PCDH17: variants seen among roughly 807,000 people sequenced by gnomAD.
The protein encoded by PCDH17 is protocadherin-17.
In PCDH17, 21 loss-of-function variants were observed where a neutral mutation model predicts 67.7. The ratio of observed to expected loss-of-function variants is 0.31; its 90% CI spans 0.22 to 0.45. The LOEUF is 0.45. Ranked by LOEUF, PCDH17 falls within the 20% of genes least tolerant of loss-of-function variation. The pLI, the probability that PCDH17 is intolerant of heterozygous loss-of-function variation, is 1.00. For synonymous variants in PCDH17, 701 were observed against 656.7 expected, an observed-to-expected ratio of 1.07 and a Z score of -1.03; for missense variants, 1,471 against 1,564.8, an observed-to-expected ratio of 0.94 and a Z score of 1.01.
chr13:57,656,730 A>G (rs1955110245), intron 1 of PCDH17, among the ~76,000 whole-genome samples: 1 of 152,148 alleles, frequency 6.6e-6, no homozygotes, highest in South Asian at 2.1e-4. Flanking sequence ...AAAGAACTTC[A>G]AATTTACTCC....
At chr13:57,681,955 G>T (rs1376129912) in intron 3 of PCDH17, among the ~76,000 whole-genome samples, 6 of 151,640 alleles carry the variant, frequency 4.0e-5, no homozygotes, top group Admixed American at 4.0e-4. Flanking sequence ...ACTCTACAAT[G>T]TACAAAACTC....
At chr13:57,649,431 A>G (rs1032893486) in intron 1 of PCDH17, among the ~76,000 whole-genome samples, 3 of 152,170 alleles carry the variant, frequency 2.0e-5, no homozygotes, top group Admixed American at 6.6e-5. Flanking sequence ...TTTGGATACC[A>G]TGCTACAGCC....
rs189767682 is a variant in PCDH17, at chr13:57,666,787, A to C, written c.2751A>C (p.Ala917=). The C allele has an allele frequency of 2.9e-5, 46 of 1,612,792 alleles. No individual in the cohort carries two copies. The Admixed American group carries it at 7.4e-4, about 26-fold the overall frequency. The change falls in exon 3 of 4, where the codon GCA becomes GCC. Residue 917 remains alanine (A), a synonymous_variant. Transcript: ENST00000377918. ...GCTGTGACATGTCTGTTAGGGAGGC[A>C]CTCAAGATGAAAACTACTTCAACTA... ...GSCCDMSVRE[A]LKMKTTSTKS... is the part of the protein sequence containing the mutation.
intron 3 of PCDH17, among the ~76,000 whole-genome samples, chr13:57,710,561 A>T (rs1048201306): frequency 1.3e-5 from 2 of 151,922 alleles, no homozygotes; most frequent in Non-Finnish European, 2.9e-5. Context: ...AACAGGAAAA[A>T]GTATTCCTAT....
At chr13:57,650,939 A>G (rs1955029361) in intron 1 of PCDH17, among the ~76,000 whole-genome samples, 1 of 152,168 alleles carries the variant, frequency 6.6e-6, no homozygotes, top group South Asian at 2.1e-4. Context: ...GTGAATATCA[A>G]CATTTTTCAC....
rs934712693 is a variant in PCDH17 at position 57,705,291 on chromosome 13, T to A, written c.2798-19321T>A. On this transcript the variant is annotated intron_variant, in intron 3 of 3. Transcript: ENST00000377918. ...TTATCTTAATGAAAAATATAATCAA[T>A]GCCTTTTAATAAATGTATAAATATG... Among the ~76,000 whole-genome samples, 5 of 152,148 alleles carry A rather than the reference T, an allele frequency of 3.3e-5. No individual in the cohort carries two copies. The South Asian group carries it at 1.0e-3, about 32-fold the overall frequency.
chr13:57,674,696 C>T (rs753578291), intron 3 of PCDH17, among the ~76,000 whole-genome samples: 23 of 151,696 alleles, frequency 1.5e-4, no homozygotes, highest in African/African-American at 3.9e-4. Flanking sequence ...GGAGGGTGCC[C>T]GTACACTATT....
intron 1 of PCDH17, among the ~76,000 whole-genome samples, chr13:57,660,974 T>G (rs2138015695): frequency 6.6e-6 from 1 of 152,296 alleles, no homozygotes; most frequent in East Asian, 1.9e-4. Context: ...GGGGCAAACA[T>G]ACAGAATTTT....
chr13:57,724,680 C>T lies in PCDH17; in HGVS notation c.2866C>T (p.Pro956Ser), dbSNP rs1955897809. The T allele has an allele frequency of 1.2e-6, 2 of 1,614,024 alleles. No individual in the cohort carries two copies. Among genetic ancestry groups the T allele is most frequent in the South Asian group, 1.1e-5 (1 of 91,080 alleles). The part of the protein sequence containing the change: ...VLGHSDRCWM[P>S]QFPAANQAEN... ...TGGTCATTCTGACAGGTGCTGGATG[C>T]CACAGTTCCCTGCAGCCAATCAGGC... The change falls in exon 4 of 4, where the codon CCA (proline) becomes TCA (serine). Residue 956 changes from proline to serine, a missense_variant. Physicochemically the swap from Pro to Ser is moderately conservative, Grantham distance 74. Around this residue, in one of 3 missense-constraint regions of PCDH17, gnomAD observed 297 missense variants for 298.6 expected, o/e 0.99. Coordinates refer to ENST00000377918, the MANE Select transcript of PCDH17 (RefSeq NM_001040429.3).
At chr13:57,714,889 A>G (rs1955805212) in intron 3 of PCDH17, among the ~76,000 whole-genome samples, 1 of 151,756 alleles carries the variant, frequency 6.6e-6, no homozygotes, top group Non-Finnish European at 1.5e-5. Context: ...GCAGAGAAGA[A>G]AGAAACCTAT....
chr13:57,729,290 G>A lies in PCDH17; in HGVS notation c.*3996G>A, dbSNP rs1038603972. The A allele has an allele frequency of 5.3e-5, 8 of 152,006 alleles. No homozygotes were observed. The highest frequency in any genetic ancestry group is 7.4e-5 in the Non-Finnish European group (5 of 67,958). 9.4% of individuals were successfully genotyped at this position (152,006 alleles called of 1,614,324 possible). A position where few individuals can be genotyped will look rare whatever the true frequency, so the allele number is the denominator to read the frequency against. ...GATCTATCTGGAAAATGAGGACTCC[G>A]AATAAAAAGCTATTACTAATAGTGG... On this transcript the variant is annotated 3_prime_UTR_variant, in exon 4 of 4. Transcript: ENST00000377918.
chr13:57,683,357 G>A (rs1200469346), intron 3 of PCDH17, among the ~76,000 whole-genome samples: 3 of 151,768 alleles, frequency 2.0e-5, no homozygotes, highest in Non-Finnish European at 4.4e-5. Flanking sequence ...AATATGCAGA[G>A]GAAACAAATG....
chr13:57,703,014 CTTG>C (rs2138078053), intron 3 of PCDH17, among the ~76,000 whole-genome samples: 1 of 152,238 alleles, frequency 6.6e-6, no homozygotes, highest in South Asian at 2.1e-4. Flanking sequence ...TGTGTTCTGT[CTTG>C]TTTTCATTTT....
At chr13:57,708,132 A>G (rs564055057) in intron 3 of PCDH17, among the ~76,000 whole-genome samples, 125 of 152,172 alleles carry the variant, frequency 8.2e-4, no homozygotes, top group Middle Eastern at 3.4e-3. Flanking sequence ...AAAATATATG[A>G]CATATTTTGA....
intron 3 of PCDH17, among the ~76,000 whole-genome samples, chr13:57,683,457 T>C (rs896238296): frequency 5.3e-5 from 8 of 151,874 alleles, no homozygotes; most frequent in Non-Finnish European, 1.2e-4. Flanking sequence ...ACTTGAAATA[T>C]GTGACTGCAG....
At chr13:57,714,965 T>C (rs1955805744) in intron 3 of PCDH17, among the ~76,000 whole-genome samples, 1 of 151,840 alleles carries the variant, frequency 6.6e-6, no homozygotes, top group African/African-American at 2.4e-5. Context: ...AAAGAGGTGA[T>C]TATTTAAATA....
intron 3 of PCDH17, among the ~76,000 whole-genome samples, chr13:57,668,694 G>A (rs559607647): frequency 1.1e-4 from 16 of 151,966 alleles, no homozygotes; most frequent in Admixed American, 2.6e-4. Flanking sequence ...ATAATATTGC[G>A]CAGGAAATAA....
At chr13:57,646,364 T>C (rs1180031016) in intron 1 of PCDH17, among the ~76,000 whole-genome samples, 4 of 151,682 alleles carry the variant, frequency 2.6e-5, no homozygotes, top group Non-Finnish European at 5.9e-5. Context: ...GAATAAATAA[T>C]GTAATAATTT....
At chr13:57,697,103 T>C (rs551228872) in intron 3 of PCDH17, among the ~76,000 whole-genome samples, 4 of 151,670 alleles carry the variant, frequency 2.6e-5, no homozygotes, top group East Asian at 1.9e-4. Flanking sequence ...CTTCTATCCA[T>C]TGGGGCACCT....
Sources: allele counts gnomAD v4.1 joint callset (sites outside exome capture counted in the v4.1 genomes callset), GRCh38; gene constraint gnomAD v4.1.1; regional missense constraint gnomAD v4.1.1; transcripts MANE v1.5; gene names NCBI Gene and HGNC (gene_info 2026-07-23, HGNC 2026-07-21).